Variants in KCNMA1 observed in about 807,000 individuals in gnomAD.
KCNMA1 encodes potassium calcium-activated channel subfamily M alpha 1.
In KCNMA1, 29 loss-of-function variants were observed where a neutral mutation model predicts 140.0. The observed-to-expected ratio is 0.21, with a 90% CI of 0.15 to 0.28. KCNMA1 has a LOEUF of 0.28. Among genes scored for constraint, KCNMA1 ranks in the 10% least tolerant of loss-of-function variants. The pLI is 1.00. For synonymous variants in KCNMA1, 612 were observed against 611.9 expected (o/e 1.00, Z 0.00); for missense variants, 880 against 1,602.2 (o/e 0.55, Z 7.70).
At chr10:76,920,962 T>C (rs1480034064) in intron 23 of KCNMA1, among the ~76,000 whole-genome samples, 3 of 152,210 alleles carry the variant, frequency 2.0e-5, no homozygotes, top group Non-Finnish European at 1.5e-5. Context: ...ATTACAGTAC[T>C]TTTCCATGGG....
intron 1 of KCNMA1, among the ~76,000 whole-genome samples, chr10:77,516,465 G>A (rs2050487123): frequency 6.6e-6 from 1 of 152,322 alleles, no homozygotes; most frequent in African/African-American, 2.4e-5. Flanking sequence ...AACCCAATGA[G>A]GGCAGGGCCT....
At chr10:77,394,768 G>A (rs1172704408) in intron 2 of KCNMA1, among the ~76,000 whole-genome samples, 1 of 152,116 alleles carries the variant, frequency 6.6e-6, no homozygotes, top group African/African-American at 2.4e-5. Flanking sequence ...GGTAACTTAT[G>A]GAGCAAGTCC....
At chr10:77,599,635 CAG>C (rs2082016721) in intron 1 of KCNMA1, among the ~76,000 whole-genome samples, 1 of 152,202 alleles carries the variant, frequency 6.6e-6, no homozygotes, top group Non-Finnish European at 1.5e-5. Context: ...TCCCACTGCG[CAG>C]AGTTGACGAT....
chr10:77,228,461 G>A (rs553105361), intron 3 of KCNMA1, among the ~76,000 whole-genome samples: 1 of 152,232 alleles, frequency 6.6e-6, no homozygotes, highest in Admixed American at 6.5e-5. Flanking sequence ...CAGGTGTGAG[G>A]AGGTAAAGCT....
At chr10:77,386,149 G>T (rs148140102) in intron 2 of KCNMA1, among the ~76,000 whole-genome samples, 6 of 152,316 alleles carry the variant, frequency 3.9e-5, no homozygotes, top group African/African-American at 1.4e-4. Flanking sequence ...TTTCCTCAAA[G>T]GAAACATGGG....
At chr10:76,964,104 T>C (rs914087734) in intron 20 of KCNMA1, among the ~76,000 whole-genome samples, 5 of 151,376 alleles carry the variant, frequency 3.3e-5, no homozygotes, top group Admixed American at 1.3e-4. Context: ...GGGCTTCCAC[T>C]CTTCTGATAA....
In KCNMA1 at chr10:77,637,469, CGAGGAGGAAGAG is replaced by C. The variant is rs754606765; in HGVS notation, c.162_173del (p.Ser57_Ser60del). ...CCATCTTGGGCTCGTGGACCGAGGACGAGGAGGAAGAGGAGGAGGAAGAAGAAGAAGAGGAAG... is the reference window on the plus strand; with the variant it reads ...CCATCTTGGGCTCGTGGACCGAGGACGAGGAGGAAGAAGAAGAAGAGGAAG... On this transcript the variant is annotated inframe_deletion, in exon 1 of 28. Coordinates refer to ENST00000286628, the MANE Select transcript of KCNMA1 (RefSeq NM_001161352.2). 1.8e-3 allele frequency: 2,831 copies of C among 1,610,310 alleles called. 8 individuals carry two copies. The highest frequency in any genetic ancestry group is 1.6e-3 in the Non-Finnish European group (1,885 of 1,178,258).
chr10:77,468,070 C>T (rs1195413985), intron 1 of KCNMA1, among the ~76,000 whole-genome samples: 3 of 152,074 alleles, frequency 2.0e-5, no homozygotes, highest in African/African-American at 4.8e-5. Flanking sequence ...TGCAGTGGTG[C>T]GATCTTGGCT....
At chr10:77,229,336 CAAAA>C (rs146613662) in intron 3 of KCNMA1, among the ~76,000 whole-genome samples, 54,234 of 124,016 alleles carry the variant, frequency 0.44, 9,968 homozygotes, top group Admixed American at 0.5. Flanking sequence ...AAGCCCATGG[CAAAA>C]AAAAAAAAAA....
At chr10:77,505,519 G>C (rs925565624) in intron 1 of KCNMA1, among the ~76,000 whole-genome samples, 1 of 152,246 alleles carries the variant, frequency 6.6e-6, no homozygotes, top group African/African-American at 2.4e-5. Flanking sequence ...TTAGTTAGAG[G>C]AGAGAGATGT....
At chr10:77,034,093 A>T (rs2153557005) in intron 15 of KCNMA1, among the ~76,000 whole-genome samples, 1 of 151,996 alleles carries the variant, frequency 6.6e-6, no homozygotes, top group East Asian at 1.9e-4. Context: ...AATACAAAAA[A>T]ATTAACCGGT....
intron 16 of KCNMA1, among the ~76,000 whole-genome samples, chr10:77,025,989 G>GAAAAAA (rs141656183): frequency 6.1e-5 from 8 of 131,858 alleles, no homozygotes; most frequent in African/African-American, 2.3e-4. Flanking sequence ...CTTTTCTGAA[G>GAAAAAA]AAAAAAAAAA....
At chr10:76,903,413 G>T (rs1424615810) in intron 25 of KCNMA1, 1 of 152,124 alleles carries the variant, frequency 6.6e-6, no homozygotes, top group Admixed American at 6.5e-5. Flanking sequence ...AGTTTTCATG[G>T]TGTAGATTTT....
At chr10:76,950,134 A>G (rs764069230) in intron 21 of KCNMA1, among the ~76,000 whole-genome samples, 2 of 152,238 alleles carry the variant, frequency 1.3e-5, no homozygotes, top group Non-Finnish European at 2.9e-5. Flanking sequence ...TTATGCTACA[A>G]CAGCAGAGCT....
At chr10:77,317,537 A>T (rs899594159) in intron 2 of KCNMA1, among the ~76,000 whole-genome samples, 2 of 152,244 alleles carry the variant, frequency 1.3e-5, no homozygotes, top group African/African-American at 4.8e-5. Flanking sequence ...AGGTTCTGAA[A>T]TTTATTATCA....
chr10:77,616,973 C>T (rs902691893), intron 1 of KCNMA1, among the ~76,000 whole-genome samples: 1 of 152,162 alleles, frequency 6.6e-6, no homozygotes, highest in African/African-American at 2.4e-5. Flanking sequence ...CCTGAGTAGG[C>T]TGGCTCCAGA....
At chr10:77,399,037 G>C (rs953450665) in intron 2 of KCNMA1, among the ~76,000 whole-genome samples, 10 of 152,120 alleles carry the variant, frequency 6.6e-5, no homozygotes, top group Non-Finnish European at 1.3e-4. Flanking sequence ...CCAGAGCAGG[G>C]GTGCAAAGAC....
In KCNMA1 at chr10:77,019,114, A is replaced by T; in HGVS notation, c.1929-15T>A. 1 of 1,312,842 alleles carries T rather than the reference A, an allele frequency of 7.6e-7. No individual in the cohort carries two copies. Among genetic ancestry groups the T allele is most frequent in the Non-Finnish European group, 1.1e-6 (1 of 906,380 alleles). The allele number at this position is 1,312,842 out of a possible 1,614,324, so 81.3% of individuals were successfully genotyped here. ...TAATTAATATACTGCTCAGTGAACAAAAACAAACAGAGAAGATACATTTGT... is the reference window on the plus strand; with the variant it reads ...TAATTAATATACTGCTCAGTGAACATAAACAAACAGAGAAGATACATTTGT... On this transcript the variant is annotated splice_polypyrimidine_tract_variant and intron_variant, in intron 16 of 27. Transcript: ENST00000286628.
chr10:76,953,844 A>G lies in KCNMA1; in HGVS notation c.2441T>C (p.Met814Thr). 1 of 1,614,142 alleles carries G rather than the reference A, an allele frequency of 6.2e-7. No homozygotes were observed. The highest frequency in any genetic ancestry group is 2.2e-5 in the East Asian group (1 of 44,882). ...SNVKKYDSTG[M>T]FHWCAPKEIE... ...CTCCTTGGGTGCACACCAGTGAAACATCCCAGTAGAGTCGTACTTCTTCAC... is the reference window on the plus strand; with the variant it reads ...CTCCTTGGGTGCACACCAGTGAAACGTCCCAGTAGAGTCGTACTTCTTCAC... The change falls in exon 21 of 28, where the codon ATG (methionine) becomes ACG (threonine). Residue 814 changes from methionine to threonine, a missense_variant. Around this residue, in one of 13 missense-constraint regions of KCNMA1, gnomAD observed 82 missense variants for 170.1 expected, o/e 0.48. Coordinates refer to ENST00000286628, the MANE Select transcript of KCNMA1 (RefSeq NM_001161352.2).
Sources: gnomAD v4.1 joint callset for allele counts (sites outside exome capture counted in the v4.1 genomes callset) on GRCh38, gnomAD v4.1.1 for gene constraint, gnomAD v4.1.1 regional missense constraint, MANE v1.5 for transcripts, NCBI Gene and HGNC (gene_info 2026-07-23, HGNC 2026-07-21) for gene names.